EVPL: variants seen among roughly 807,000 people sequenced by gnomAD.
EVPL encodes the protein envoplakin.
In EVPL, 94 loss-of-function variants were observed where a neutral mutation model predicts 129.7. That is an observed-to-expected ratio of 0.72 (90% CI 0.61 to 0.86). The LOEUF (loss-of-function observed/expected upper bound fraction) is 0.86, where lower values mean the gene tolerates loss of function less well. Ranked by LOEUF, EVPL falls within the 40% of genes least tolerant of loss-of-function variation. The pLI is 0.00. For synonymous variants in EVPL, 1,172 were observed against 1,191.1 expected, an observed-to-expected ratio of 0.98 and a Z score of 0.33; for missense variants, 2,625 against 2,721.1, an observed-to-expected ratio of 0.96 and a Z score of 0.79.
rs571019989 is a variant in EVPL at position 76,014,797 on chromosome 17, A to G, written c.2222+119T>C. 63 of 1,185,242 alleles carry G rather than the reference A, an allele frequency of 5.3e-5. 1 individual carries two copies. In the South Asian group the frequency reaches 8.7e-4, roughly 16 times the overall value. The allele number at this position is 1,185,242 out of a possible 1,614,324, so 73.4% of individuals were successfully genotyped here. A position where few individuals can be genotyped will look rare whatever the true frequency, so the allele number is the denominator to read the frequency against. On this transcript the variant is annotated intron_variant, in intron 17 of 21. Transcript: ENST00000301607. ...AAGTGCTGTTGTTATCCCATTTTAG[A>G]GATGAGGAAACAGCTTCAGAGACGT... is the stretch of plus-strand genomic sequence containing the variant.
intron 12 of EVPL, 33 bp from the exon 13 acceptor site, chr17:76,018,291 C>T (rs146750892): frequency 2.0e-6 from 3 of 1,523,362 alleles, no homozygotes; most frequent in African/African-American, 2.8e-5. Context: ...GAAAGAGGTC[C>T]CCACTCTGCC....
At position 76,018,216 on chromosome 17, in the gene EVPL, T is replaced by A. The variant is rs1474818373; in HGVS notation, c.1482A>T (p.Thr494=). The change falls in exon 13 of 22, where the codon ACA becomes ACT. Residue 494 remains threonine, a synonymous_variant. Transcript: ENST00000301607. The stretch of plus-strand genomic sequence containing the variant: ...CACTGGCCTTCAGGCGGCTCTGGAC[T>A]GTGGCCAATTTCTGCTTCAGGGCCT... ...ELQALKQKLA[T]VQSRLKASAV... The A allele has an allele frequency of 1.9e-6, 3 of 1,549,228 alleles. No homozygotes were observed. In the Admixed American group the frequency reaches 5.9e-5, roughly 30 times the overall value.
rs959240068 is a variant in EVPL, at chr17:76,008,478, C to T, written c.4727G>A (p.Arg1576Gln). 24 of 1,598,086 alleles carry T rather than the reference C, an allele frequency of 1.5e-5. No homozygotes were observed. Among genetic ancestry groups the T allele is most frequent in the Admixed American group, 1.4e-4 (8 of 58,806 alleles). ...RAETLGRTWSREESELQRARD... is the reference protein window; with the variant it reads ...RAETLGRTWSQEESELQRARD... ...GGCCCTCTGCAGCTCGGACTCCTCCCGGGACCAGGTTCTCCCCAGCGTCTC... is the reference window on the plus strand; with the variant it reads ...GGCCCTCTGCAGCTCGGACTCCTCCTGGGACCAGGTTCTCCCCAGCGTCTC... The change falls in exon 22 of 22, where the codon CGG becomes CAG. Residue 1576 changes from arginine to glutamine, a missense_variant. Physicochemically the swap from Arg to Gln is conservative, Grantham distance 43 (BLOSUM62 1). Transcript: ENST00000301607. This position sits in a 1 kb window ranked among gnomAD's most constrained non-coding sequence, Gnocchi z 7.4.
Position 76,024,233 on chromosome 17 carries a change from A to G in EVPL, c.99-113T>C. The G allele has an allele frequency of 1.0e-6, 1 of 977,802 alleles. No homozygotes were observed. The highest frequency in any genetic ancestry group is 1.6e-6 in the Non-Finnish European group (1 of 642,574). 60.6% of individuals were successfully genotyped at this position (977,802 alleles called of 1,614,324 possible). A position where few individuals can be genotyped will look rare whatever the true frequency, so the allele number is the denominator to read the frequency against. On this transcript the variant is annotated intron_variant, in intron 1 of 21. Transcript: ENST00000301607. The surrounding 1 kb of genome is among the most constrained non-coding windows in gnomAD (Gnocchi z 4.5). ...CCATCCTGCCCCCACAGCCTAGCTC[A>G]CTGCCCTGACTTTGGGGTCTCTCTC...
At position 76,008,601 on chromosome 17, in the gene EVPL, T is replaced by A. The variant is rs564557598; in HGVS notation, c.4604A>T (p.Glu1535Val). ...GAGCATCTCCCACACGCGGGCCCGC[T>A]CATCTTCCAGGACGCGGTCCTTCTG... ...RVQKDRVLED[E>V]RARVWEMLNR... is the part of the protein sequence containing the mutation. The change falls in exon 22 of 22, where the codon GAG (glutamate) becomes GTG (valine). Residue 1535 changes from glutamate to valine, a missense_variant. By Grantham distance (121) the Glu-to-Val change is moderately radical. Coordinates refer to ENST00000301607, the MANE Select transcript of EVPL (RefSeq NM_001988.4). The surrounding 1 kb of genome is among the most constrained non-coding windows in gnomAD (Gnocchi z 7.4). 2.5e-6 allele frequency: 4 copies of A among 1,611,804 alleles called. No individual in the cohort carries two copies. The highest frequency in any genetic ancestry group is 1.6e-4 in the Middle Eastern group (1 of 6,062).
At position 76,014,960 on chromosome 17, in the gene EVPL, G is replaced by A. The variant is rs931797470; in HGVS notation, c.2178C>T (p.Ala726=). 3.1e-6 allele frequency: 5 copies of A among 1,596,032 alleles called. No homozygotes were observed. The highest frequency in any genetic ancestry group is 2.3e-4 in the Middle Eastern group (1 of 4,436). Residue 726 remains alanine (A), a synonymous_variant, in exon 17 of 22, where the codon GCC becomes GCT. Transcript: ENST00000301607. ...CTACGGCGTGGTAGCGGTCGGTGAG[G>A]GCTCGCACCTGGCGCTGCTGGCGAG... ...DLPRQQRQVR[A]LTDRYHAVGD...
intron 14 of EVPL, among the ~76,000 whole-genome samples, chr17:76,016,309 A>G (rs901846181): frequency 1.1e-4 from 16 of 152,114 alleles, no homozygotes; most frequent in African/African-American, 3.9e-4. Flanking sequence ...GCTCCAGCCA[A>G]AGCCCTGGCT....
intron 19 of EVPL, 33 bp downstream of exon 19, chr17:76,011,973 T>C (rs373526826): frequency 4.4e-6 from 7 of 1,606,310 alleles, no homozygotes; most frequent in Middle Eastern, 1.7e-4. Context: ...GGGTGATGCA[T>C]GGAGAGGGGC....
In EVPL at chr17:76,007,774, A is replaced by C. The variant is rs542225087; in HGVS notation, c.5431T>G (p.Phe1811Val). Residue 1811 changes from phenylalanine to valine, a missense_variant, in exon 22 of 22, where the codon TTC becomes GTC. This residue lies in a region of EVPL where 1,453 missense variants were observed against 1,511.8 expected (regional missense o/e 0.96). Coordinates refer to ENST00000301607, the MANE Select transcript of EVPL (RefSeq NM_001988.4). The surrounding 1 kb of genome is among the most constrained non-coding windows in gnomAD (Gnocchi z 8.8). ...CCGAGAGAGAAGCTGGGAGAGAAGA[A>C]ACTGGTGCTCTGGGGGGCCGGGGAG... Reference protein sequence around the residue: ...LASPAPQSTSFFSPSFSLGLG... With the variant: ...LASPAPQSTSVFSPSFSLGLG... The C allele has an allele frequency of 2.5e-6, 4 of 1,612,462 alleles. No homozygotes were observed. The highest frequency in any genetic ancestry group is 3.3e-5 in the Admixed American group (2 of 59,974).
At chr17:76,027,017 G>A (rs529241053) in intron 1 of EVPL, 84 bp downstream of exon 1, 55 of 812,088 alleles carry the variant, frequency 6.8e-5, no homozygotes, top group African/African-American at 6.7e-4. Flanking sequence ...CTGGGCCGCC[G>A]CCGCCGCCAG....
At chr17:76,014,683 GC>G in intron 17 of EVPL, 107 bp from the exon 18 acceptor site, 1 of 1,446,428 alleles carries the variant, frequency 6.9e-7, no homozygotes, top group Non-Finnish European at 9.3e-7. Flanking sequence ...AGGTCAGGAG[GC>G]CCGAGTGGCC....
chr17:76,020,763 C>T (rs1488909222), intron 9 of EVPL, among the ~76,000 whole-genome samples: 1 of 151,934 alleles, frequency 6.6e-6, no homozygotes, highest in Admixed American at 6.6e-5. Flanking sequence ...TGCTATGTTG[C>T]CCAGGCTGGT....
intron 1 of EVPL, among the ~76,000 whole-genome samples, chr17:76,026,270 A>C (rs1598247875): frequency 8.2e-6 from 1 of 121,786 alleles, no homozygotes; most frequent in South Asian, 2.6e-4. Context: ...TTTAAGACAG[A>C]GTCTCAGTCT....
intron 11 of EVPL, 71 bp from the exon 12 acceptor site, chr17:76,018,671 G>C (rs1274001189): frequency 6.7e-7 from 1 of 1,486,330 alleles, no homozygotes; most frequent in African/African-American, 1.4e-5. Context: ...CAGAGTAGGG[G>C]CTGGGGACAG....
rs898846068 is a variant in EVPL, at chr17:76,014,555, G to A, written c.2244C>T (p.Ala748=). The A allele has an allele frequency of 3.1e-6, 5 of 1,611,896 alleles. No homozygotes were observed. In the African/African-American group the frequency reaches 5.3e-5, roughly 17 times the overall value. The change falls in exon 18 of 22, where the codon GCC becomes GCT. Residue 748 remains alanine (A), a synonymous_variant. Coordinates refer to ENST00000301607, the MANE Select transcript of EVPL (RefSeq NM_001988.4). ...LDLREKVVQD[A]ALTYQQFKNC... ...TCTTGAACTGCTGGTAGGTGAGGGC[G>A]GCATCCTGCACCACCTTCTCCCTGC...
At chr17:76,015,195 C>T in intron 16 of EVPL, 32 bp downstream of exon 16, 1 of 1,565,992 alleles carries the variant, frequency 6.4e-7, no homozygotes, top group African/African-American at 1.3e-5. Flanking sequence ...CTGGGTTCCC[C>T]TGACACCAGG....
chr17:76,011,027 A>G (rs2066372862), intron 21 of EVPL, among the ~76,000 whole-genome samples: 1 of 152,144 alleles, frequency 6.6e-6, no homozygotes, highest in Admixed American at 6.5e-5. Flanking sequence ...GTGCCACTGC[A>G]CTCCAGCCTT....
chr17:76,021,425 C>T (rs751208425), intron 9 of EVPL, 43 bp downstream of exon 9: 1 of 1,560,690 alleles, frequency 6.4e-7, no homozygotes, highest in African/African-American at 1.4e-5. Context: ...CCCCTGCCGC[C>T]CCTGCCGCCC....
In EVPL at chr17:76,027,203, G is replaced by T. The variant is rs376000928; in HGVS notation, c.-5C>A. 29 of 1,598,498 alleles carry T rather than the reference G, an allele frequency of 1.8e-5. 1 individual carries two copies. In the South Asian group the frequency reaches 3.0e-4, roughly 17 times the overall value. On this transcript the variant is annotated 5_prime_UTR_variant, in exon 1 of 22. Coordinates refer to ENST00000301607, the MANE Select transcript of EVPL (RefSeq NM_001988.4). ...TTTGCTCAGCCCCTTGAACATGGTC[G>T]TAAAGGCAAGTGCTGGCTCAGGCTG...
Sources: allele counts gnomAD v4.1 joint callset (sites outside exome capture counted in the v4.1 genomes callset), GRCh38; gene constraint gnomAD v4.1.1; regional missense constraint gnomAD v4.1.1; non-coding constraint Gnocchi (gnomAD v3.1); transcripts MANE v1.5; gene names NCBI Gene and HGNC (gene_info 2026-07-23, HGNC 2026-07-21).